XPNPEP3: variants seen among roughly 807,000 people sequenced by gnomAD.
The protein encoded by XPNPEP3 is X-prolyl aminopeptidase 3, also known as xaa-Pro aminopeptidase 3.
XPNPEP3 carries 41 observed loss-of-function variants against 60.0 expected under a neutral mutation model. That is an observed-to-expected ratio of 0.68 (90% CI 0.53 to 0.89). The LOEUF (loss-of-function observed/expected upper bound fraction) is 0.89, where lower values mean the gene tolerates loss of function less well. Ranked by LOEUF, XPNPEP3 falls within the 40% of genes least tolerant of loss-of-function variation. XPNPEP3 has a pLI of 0.00. For synonymous variants in XPNPEP3, 212 were observed against 223.2 expected, an observed-to-expected ratio of 0.95 and a Z score of 0.45; for missense variants, 598 against 638.9, an observed-to-expected ratio of 0.94 and a Z score of 0.69.
chr22:40,926,348 G>A lies in XPNPEP3; in HGVS notation c.1437G>A (p.Val479=). The A allele has an allele frequency of 1.9e-6, 3 of 1,614,090 alleles. No individual in the cohort carries two copies. Among genetic ancestry groups the A allele is most frequent in the Non-Finnish European group, 2.5e-6 (3 of 1,180,008 alleles). Residue 479 remains valine (V), a synonymous_variant, in exon 10 of 10, where the codon GTG becomes GTA. Coordinates refer to ENST00000357137, the MANE Select transcript of XPNPEP3 (RefSeq NM_022098.4). ...GLGVRIEDDV[V]VTQDSPLILS... The stretch of plus-strand genomic sequence containing the variant: ...GTGTACGAATTGAGGATGATGTAGT[G>A]GTGACTCAGGACTCACCTCTCATCC...
At chr22:40,895,818 A>G (rs1328179678) in intron 4 of XPNPEP3, among the ~76,000 whole-genome samples, 1 of 152,070 alleles carries the variant, frequency 6.6e-6, no homozygotes, top group Non-Finnish European at 1.5e-5. Flanking sequence ...GTCATTCTTA[A>G]GTTCTTCATT....
intron 1 of XPNPEP3, among the ~76,000 whole-genome samples, chr22:40,867,504 A>G (rs893468246): frequency 6.6e-6 from 1 of 152,182 alleles, no homozygotes; most frequent in African/African-American, 2.4e-5. Context: ...TTCTAAAAAG[A>G]TTTAAAAAAA....
chr22:40,891,380 C>T (rs890931694), intron 4 of XPNPEP3, among the ~76,000 whole-genome samples: 4 of 150,734 alleles, frequency 2.7e-5, no homozygotes, highest in African/African-American at 7.3e-5. Context: ...TTTAGCTGGG[C>T]GTGGTGGCTC....
chr22:40,901,391 C>T (rs1056117626), intron 4 of XPNPEP3, among the ~76,000 whole-genome samples: 11 of 152,026 alleles, frequency 7.2e-5, no homozygotes, highest in African/African-American at 1.4e-4. Context: ...TGCACCACCA[C>T]GCCCGGCTAA....
chr22:40,868,735 A>T (rs1301188835), intron 1 of XPNPEP3, among the ~76,000 whole-genome samples: 1 of 152,006 alleles, frequency 6.6e-6, no homozygotes, highest in Non-Finnish European at 1.5e-5. Context: ...AATCCCAGCT[A>T]TGTAGGAGGC....
intron 4 of XPNPEP3, among the ~76,000 whole-genome samples, chr22:40,906,685 A>G (rs1029776032): frequency 1.3e-5 from 2 of 152,216 alleles, no homozygotes; most frequent in Non-Finnish European, 2.9e-5. Flanking sequence ...CATTCAATCC[A>G]TAATTTCATA....
chr22:40,881,896 C>G lies in XPNPEP3; in HGVS notation c.308C>G (p.Pro103Arg). The change falls in exon 3 of 10, where the codon CCT becomes CGT. Residue 103 changes from proline (P) to arginine (R), a missense_variant. Physicochemically the swap from Pro to Arg is moderately radical, Grantham distance 103. Coordinates refer to ENST00000357137, the MANE Select transcript of XPNPEP3 (RefSeq NM_022098.4). ...CAGACAGTGGTTGTGCTCTCCAACC[C>G]TACATACTACATGAGCAACGATATT... ...TDQTVVVLSNPTYYMSNDIPY... is the reference protein window; with the variant it reads ...TDQTVVVLSNRTYYMSNDIPY... 6.2e-7 allele frequency: 1 copy of G among 1,614,148 alleles called. No homozygotes were observed. The highest frequency in any genetic ancestry group is 8.5e-7 in the Non-Finnish European group (1 of 1,180,028).
chr22:40,865,163 C>A (rs2057972032), intron 1 of XPNPEP3, among the ~76,000 whole-genome samples: 1 of 152,134 alleles, frequency 6.6e-6, no homozygotes, highest in South Asian at 2.1e-4. Context: ...TCTTTGCTTT[C>A]TTACATCCTA....
intron 4 of XPNPEP3, among the ~76,000 whole-genome samples, chr22:40,887,920 T>C (rs1049754969): frequency 2.6e-5 from 4 of 152,166 alleles, no homozygotes; most frequent in African/African-American, 9.7e-5. Context: ...ATTGACTTAA[T>C]TTAAAAAAAT....
chr22:40,906,122 A>G (rs2058154525), intron 4 of XPNPEP3, among the ~76,000 whole-genome samples: 1 of 150,542 alleles, frequency 6.6e-6, no homozygotes. Flanking sequence ...GTTTGTTTTT[A>G]GAGAGATAGT....
chr22:40,897,970 A>G (rs374548314), intron 4 of XPNPEP3, among the ~76,000 whole-genome samples: 17 of 152,012 alleles, frequency 1.1e-4, no homozygotes, highest in African/African-American at 1.7e-4. Context: ...AATTCCTTAT[A>G]TGTTTTTGAT....
At chr22:40,923,806 C>T (rs1439420480) in intron 8 of XPNPEP3, among the ~76,000 whole-genome samples, 1 of 151,996 alleles carries the variant, frequency 6.6e-6, no homozygotes, top group Non-Finnish European at 1.5e-5. Flanking sequence ...GAGCCAAGAT[C>T]ACACCACTGC....
chr22:40,899,444 A>G (rs2058122602), intron 4 of XPNPEP3, among the ~76,000 whole-genome samples: 2 of 152,146 alleles, frequency 1.3e-5, no homozygotes, highest in Admixed American at 6.6e-5. Context: ...CATGATTTCA[A>G]AGCATGTGCC....
chr22:40,901,638 C>T (rs1418846856), intron 4 of XPNPEP3, among the ~76,000 whole-genome samples: 1 of 152,064 alleles, frequency 6.6e-6, no homozygotes, highest in African/African-American at 2.4e-5. Flanking sequence ...CCACGCCTGG[C>T]TAATTTTTGT....
At chr22:40,917,862 A>G (rs1375922265) in intron 7 of XPNPEP3, 2 of 152,010 alleles carry the variant, frequency 1.3e-5, no homozygotes, top group East Asian at 1.9e-4. Context: ...AAAGAAAAAA[A>G]TAGCTGGATA....
chr22:40,898,896 A>C (rs1310186892), intron 4 of XPNPEP3, among the ~76,000 whole-genome samples: 4 of 152,136 alleles, frequency 2.6e-5, no homozygotes, highest in African/African-American at 9.7e-5. Context: ...TTCAGGAGGC[A>C]CTGACTATGT....
At chr22:40,867,028 AAG>A (rs1362150748) in intron 1 of XPNPEP3, among the ~76,000 whole-genome samples, 4 of 152,152 alleles carry the variant, frequency 2.6e-5, no homozygotes, top group African/African-American at 4.8e-5. Context: ...GGAGGAGAGA[AAG>A]AGAAATCACC....
intron 8 of XPNPEP3, 56 bp from the exon 9 acceptor site, chr22:40,924,306 G>A: frequency 1.2e-6 from 2 of 1,611,340 alleles, no homozygotes; most frequent in Admixed American, 1.7e-5. Context: ...TACTTGCCCA[G>A]CATTCCCTGT....
chr22:40,873,098 CTTTTTTTTTTTTTTTTTTTTTTTTT>C (rs2058013503), intron 2 of XPNPEP3, among the ~76,000 whole-genome samples: 1 of 88,504 alleles, frequency 1.1e-5, no homozygotes, highest in Non-Finnish European at 2.1e-5. Context: ...TTTTCTTTTT[CTTTTTTTTTTTTTTTTTTTTTTTTT>C]GAGACAGAGT....
Sources: gnomAD v4.1 joint callset for allele counts (sites outside exome capture counted in the v4.1 genomes callset) on GRCh38, gnomAD v4.1.1 for gene constraint, MANE v1.5 for transcripts, NCBI Gene and HGNC (gene_info 2026-07-23, HGNC 2026-07-21) for gene names.